Variants in AHI1 observed in about 807,000 individuals in gnomAD.
The protein encoded by AHI1 is Abelson helper integration site 1.
AHI1 carries 123 observed loss-of-function variants against 149.3 expected under a neutral mutation model. The ratio of observed to expected loss-of-function variants is 0.82; its 90% CI spans 0.71 to 0.96. AHI1 has a LOEUF of 0.96. Ranked by LOEUF, AHI1 falls within the 40% of genes least tolerant of loss-of-function variation. The probability of loss-of-function intolerance (pLI) is 0.00; values close to 1 mark genes in which losing one functional copy is unlikely to be tolerated. For synonymous variants in AHI1, 475 were observed against 459.8 expected (o/e 1.03, Z -0.42); for missense variants, 1,439 against 1,422.7 (o/e 1.01, Z -0.18).
chr6:135,285,661 T>A lies in AHI1; in HGVS notation c.3589-14A>T. 1 of 1,599,404 alleles carries A rather than the reference T, an allele frequency of 6.3e-7. No homozygotes were observed. The highest frequency in any genetic ancestry group is 8.5e-7 in the Non-Finnish European group (1 of 1,170,470). ...TTCAATTCTTTACTGGAAAGAAAAA[T>A]ACACAAAATGTACTAAATAAACTTG... is the stretch of plus-strand genomic sequence containing the variant. On this transcript the variant is annotated splice_polypyrimidine_tract_variant and intron_variant, in intron 28 of 28. Coordinates refer to ENST00000265602, the MANE Select transcript of AHI1 (RefSeq NM_001134831.2).
In AHI1 at chr6:135,285,454, C is replaced by A; in HGVS notation, c.*191G>T. On this transcript the variant is annotated 3_prime_UTR_variant, in exon 29 of 29. Transcript: ENST00000265602. ...CACAATGGTTTATAACAACTGAACT[C>A]AAAGGCCACGTTGATTTTTCCACCC... is the stretch of plus-strand genomic sequence containing the variant. The A allele has an allele frequency of 1.5e-6, 1 of 648,346 alleles. No individual in the cohort carries two copies. Among genetic ancestry groups the A allele is most frequent in the Middle Eastern group, 3.1e-4 (1 of 3,262 alleles). 40.2% of individuals were successfully genotyped at this position (648,346 alleles called of 1,614,324 possible).
In AHI1 at chr6:135,436,869, TG is replaced by T. The variant is rs1458497049; in HGVS notation, c.2036+1505del. The stretch of plus-strand genomic sequence containing the variant: ...TGCCCACCTCGGCTTCCCAAAGTGC[TG>T]GGATTACAGGCATAAGCCACTGCGC... On this transcript the variant is annotated intron_variant, in intron 15 of 28. Transcript: ENST00000265602. Among the ~76,000 whole-genome samples, 3 of 152,282 alleles carry T rather than the reference TG, an allele frequency of 2.0e-5. No homozygotes were observed. In the East Asian group the frequency reaches 5.8e-4, roughly 29 times the overall value.
At chr6:135,399,638 T>C (rs1488059295) in intron 22 of AHI1, among the ~76,000 whole-genome samples, 3 of 152,102 alleles carry the variant, frequency 2.0e-5, no homozygotes, top group African/African-American at 7.2e-5. Flanking sequence ...GAAACATTTG[T>C]TTTCATCAAT....
rs893650468 is a variant in AHI1, at chr6:135,318,517, A to G, written c.3426+2T>C. ...GTAATACGTATGCTCAAAAACATTTACCTTTTGAGGAGCTGGAGATTTTTC... is the reference window on the plus strand; with the variant it reads ...GTAATACGTATGCTCAAAAACATTTGCCTTTTGAGGAGCTGGAGATTTTTC... On this transcript the variant is annotated splice_donor_variant, in intron 26 of 28. Coordinates refer to ENST00000265602, the MANE Select transcript of AHI1 (RefSeq NM_001134831.2). LOFTEE classifies it high-confidence loss of function. 2.6e-6 allele frequency: 4 copies of G among 1,566,192 alleles called. No individual in the cohort carries two copies. Among genetic ancestry groups the G allele is most frequent in the Non-Finnish European group, 3.5e-6 (4 of 1,148,928 alleles).
intron 20 of AHI1, among the ~76,000 whole-genome samples, chr6:135,418,608 A>G (rs1340957824): frequency 6.6e-6 from 1 of 152,038 alleles, no homozygotes; most frequent in Non-Finnish European, 1.5e-5. Context: ...GCAAATGCAA[A>G]CTTTGCTATT....
intron 18 of AHI1, among the ~76,000 whole-genome samples, chr6:135,429,055 G>C (rs1784293511): frequency 6.6e-6 from 1 of 151,644 alleles, no homozygotes; most frequent in Admixed American, 6.6e-5. Context: ...TTGGACAAGA[G>C]AAATTAATTC....
At chr6:135,287,765 T>C (rs1781867547) in intron 28 of AHI1, among the ~76,000 whole-genome samples, 1 of 150,784 alleles carries the variant, frequency 6.6e-6, no homozygotes, top group Non-Finnish European at 1.5e-5. Flanking sequence ...GGTTAGTGTT[T>C]GTGTGTATGT....
At chr6:135,460,042 G>A (rs574145892) in intron 8 of AHI1, among the ~76,000 whole-genome samples, 16 of 152,168 alleles carry the variant, frequency 1.1e-4, no homozygotes, top group African/African-American at 3.9e-4. Context: ...AATTAGCCAA[G>A]AATGGTGGTG....
At chr6:135,396,517 T>C (rs1477676748) in intron 22 of AHI1, among the ~76,000 whole-genome samples, 1 of 151,706 alleles carries the variant, frequency 6.6e-6, no homozygotes, top group Non-Finnish European at 1.5e-5. Flanking sequence ...AACCATAAAG[T>C]AGTATACAAA....
At position 135,492,803 on chromosome 6, in the gene AHI1, T is replaced by C. The variant is rs904047399; in HGVS notation, c.-54-512A>G. 4 of 985,202 alleles carry C rather than the reference T, an allele frequency of 4.1e-6. No individual in the cohort carries two copies. The African/African-American group carries it at 7.0e-5, about 17-fold the overall frequency. The allele number at this position is 985,202 out of a possible 1,614,324, so 61.0% of individuals were successfully genotyped here. On this transcript the variant is annotated intron_variant, in intron 3 of 28. Coordinates refer to ENST00000265602, the MANE Select transcript of AHI1 (RefSeq NM_001134831.2). ...AAATATTTGCACCATCTTTCTTTAATAAAACCTGGATGTGTATTACTGTGT... is the reference window on the plus strand; with the variant it reads ...AAATATTTGCACCATCTTTCTTTAACAAAACCTGGATGTGTATTACTGTGT...
At chr6:135,432,917 C>T in intron 16 of AHI1, 110 bp downstream of exon 16, 2 of 759,418 alleles carry the variant, frequency 2.6e-6, no homozygotes, top group East Asian at 5.1e-5. Context: ...AAGCATAAAC[C>T]TAAATATGCG....
chr6:135,313,298 G>A (rs1364928691), intron 26 of AHI1, among the ~76,000 whole-genome samples: 3 of 152,090 alleles, frequency 2.0e-5, no homozygotes, highest in Non-Finnish European at 4.4e-5. Context: ...ACTCTAACAC[G>A]TGGATTCAGA....
intron 23 of AHI1, among the ~76,000 whole-genome samples, chr6:135,368,670 G>GA (rs1316280287): frequency 6.6e-6 from 1 of 152,130 alleles, no homozygotes; most frequent in East Asian, 1.9e-4. Context: ...GGTCACCAGG[G>GA]AAGTGAAGGA....
intron 5 of AHI1, chr6:135,474,438 C>T (rs1792257260): frequency 6.6e-6 from 1 of 151,992 alleles, no homozygotes; most frequent in South Asian, 2.1e-4. Flanking sequence ...AAGCATGATG[C>T]TAGCTGCATA....
intron 25 of AHI1, among the ~76,000 whole-genome samples, chr6:135,322,049 T>G (rs1314556582): frequency 6.6e-6 from 1 of 152,210 alleles, no homozygotes; most frequent in Non-Finnish European, 1.5e-5. Context: ...GTGATCTGCC[T>G]GCCTCGGCCT....
rs185195857 is a variant in AHI1, at chr6:135,287,793, A to G, written c.3589-2146T>C. On this transcript the variant is annotated intron_variant, in intron 28 of 28. Transcript: ENST00000265602. ...GTGTATGTTATGTCTGGGGAATAAG[A>G]TTCATAAAAATACCGGGCCGTGGCC... Among the ~76,000 whole-genome samples the G allele has an allele frequency of 1.8e-3, 270 of 150,874 alleles. 3 individuals are homozygous for G. Among genetic ancestry groups the G allele is most frequent in the East Asian group, 7.7e-4 (4 of 5,182 alleles).
At chr6:135,419,001 T>C (rs1782771090) in intron 20 of AHI1, among the ~76,000 whole-genome samples, 1 of 151,640 alleles carries the variant, frequency 6.6e-6, no homozygotes. Flanking sequence ...TCAGCTAATC[T>C]TGAGATACTG....
intron 4 of AHI1, 135 bp downstream of exon 4, chr6:135,492,093 C>A: frequency 1.8e-6 from 1 of 553,246 alleles, no homozygotes; most frequent in Non-Finnish European, 3.0e-6. Flanking sequence ...CAATAAGTAT[C>A]TCTAAATGTA....
chr6:135,435,051 A>G (rs1424424140), intron 15 of AHI1: 1 of 152,200 alleles, frequency 6.6e-6, no homozygotes, highest in Non-Finnish European at 1.5e-5. Flanking sequence ...AGGAATAAAG[A>G]AGGAGAAGAC....
Sources: allele counts gnomAD v4.1 joint callset (sites outside exome capture counted in the v4.1 genomes callset), GRCh38; gene constraint gnomAD v4.1.1; transcripts MANE v1.5; gene names NCBI Gene and HGNC (gene_info 2026-07-23, HGNC 2026-07-21).